The following LRP6 variants were observed in gnomAD, a reference collection of about 807,000 sequenced individuals.
LRP6 encodes the protein LDL receptor related protein 6.
A neutral mutation model predicts 184.1 loss-of-function variants in LRP6; 43 were observed. That is an observed-to-expected ratio of 0.23 (90% CI 0.18 to 0.30). The LOEUF is 0.30. Among genes scored for constraint, LRP6 ranks in the 10% least tolerant of loss-of-function variants. The probability of loss-of-function intolerance (pLI) is 1.00; values close to 1 mark genes in which losing one functional copy is unlikely to be tolerated. For synonymous variants in LRP6, 719 were observed against 684.9 expected (o/e 1.05, Z -0.78); for missense variants, 1,571 against 2,005.3 (o/e 0.78, Z 4.14).
At chr12:12,254,035 T>C (rs1013021619) in intron 1 of LRP6, among the ~76,000 whole-genome samples, 3 of 144,442 alleles carry the variant, frequency 2.1e-5, no homozygotes, top group African/African-American at 7.7e-5. Flanking sequence ...TCGCAGCTAC[T>C]AGGGAGGCTG....
intron 1 of LRP6, among the ~76,000 whole-genome samples, chr12:12,261,600 A>G (rs1280317461): frequency 6.6e-6 from 1 of 152,208 alleles, no homozygotes; most frequent in Non-Finnish European, 1.5e-5. Context: ...GTAATACTTG[A>G]CAAGTTTGGA....
chr12:12,231,192 A>AC (rs1458154849), intron 2 of LRP6, among the ~76,000 whole-genome samples: 1 of 149,530 alleles, frequency 6.7e-6, no homozygotes, highest in Non-Finnish European at 1.5e-5. Context: ...AAAAAAAAAA[A>AC]AAAAAAAAAA....
At chr12:12,220,601 T>G (rs931677555) in intron 2 of LRP6, among the ~76,000 whole-genome samples, 1 of 18,820 alleles carries the variant, frequency 5.3e-5, no homozygotes, top group African/African-American at 1.8e-4. Flanking sequence ...TTTTCTTAGT[T>G]TTTTTTTTTT....
chr12:12,262,155 G>C lies in LRP6; in HGVS notation c.55+4526C>G, dbSNP rs186477675. On this transcript the variant is annotated intron_variant, in intron 1 of 22. Coordinates refer to ENST00000261349, the MANE Select transcript of LRP6 (RefSeq NM_002336.3). The stretch of plus-strand genomic sequence containing the variant: ...GCACTTTGGGAGGTCAAGGCAGGTG[G>C]ATAACTTGAGGTCAGGAGTTCAAGA... 2.3e-3 allele frequency among the ~76,000 whole-genome samples: 348 copies of C among 152,230 alleles called. 1 individual carries two copies. Among genetic ancestry groups the C allele is most frequent in the African/African-American group, 8.1e-3 (337 of 41,550 alleles).
At position 12,266,921 on chromosome 12, in the gene LRP6, G is replaced by T. The variant is rs1470282702; in HGVS notation, c.-186C>A. The T allele has an allele frequency of 4.8e-6, 3 of 621,342 alleles. No individual in the cohort carries two copies. The highest frequency in any genetic ancestry group is 3.7e-5 in the South Asian group (2 of 53,432). 38.5% of individuals were successfully genotyped at this position (621,342 alleles called of 1,614,324 possible). On this transcript the variant is annotated 5_prime_UTR_variant, in exon 1 of 23. Coordinates refer to ENST00000261349, the MANE Select transcript of LRP6 (RefSeq NM_002336.3). ...CCGCCGCCGCCCTCTCTACCGCGCCGCTCGGCCCCGGGCTCGCGCGACGCC... is the reference window on the plus strand; with the variant it reads ...CCGCCGCCGCCCTCTCTACCGCGCCTCTCGGCCCCGGGCTCGCGCGACGCC...
At chr12:12,172,756 A>C (rs1317100373) in intron 7 of LRP6, among the ~76,000 whole-genome samples, 3 of 152,188 alleles carry the variant, frequency 2.0e-5, no homozygotes, top group Non-Finnish European at 4.4e-5. Flanking sequence ...ATTTTAAAAC[A>C]CAGAATATTT....
In LRP6 at chr12:12,130,843, T is replaced by C; in HGVS notation, c.4021A>G (p.Lys1341Glu). The C allele has an allele frequency of 1.2e-6, 2 of 1,613,858 alleles. No individual in the cohort carries two copies. Among genetic ancestry groups the C allele is most frequent in the South Asian group, 2.2e-5 (2 of 91,076 alleles). The change falls in exon 19 of 23, where the codon AAG becomes GAG. Residue 1341 changes from lysine (K) to glutamate (E), a missense_variant. By Grantham distance (56) the Lys-to-Glu change is moderately conservative. Coordinates refer to ENST00000261349, the MANE Select transcript of LRP6 (RefSeq NM_002336.3). The part of the protein sequence containing the change: ...FRCANGQCIG[K>E]HKKCDHNVDC... ...ACATTATGATCACACTTCTTGTGCT[T>C]TCCAATGCACTGACCATTGGCACAG...
chr12:12,265,235 C>G (rs1741846286), intron 1 of LRP6, among the ~76,000 whole-genome samples: 1 of 152,096 alleles, frequency 6.6e-6, no homozygotes, highest in Non-Finnish European at 1.5e-5. Context: ...CTTATGAAAC[C>G]TCTCCAGTAC....
At chr12:12,245,120 CAT>C (rs1482855015) in intron 1 of LRP6, among the ~76,000 whole-genome samples, 1 of 152,174 alleles carries the variant, frequency 6.6e-6, no homozygotes, top group Admixed American at 6.5e-5. Context: ...GAAACAAAAA[CAT>C]ATGTCAATAC....
At chr12:12,265,225 C>T (rs1252853930) in intron 1 of LRP6, among the ~76,000 whole-genome samples, 2 of 152,136 alleles carry the variant, frequency 1.3e-5, no homozygotes, top group African/African-American at 4.8e-5. Flanking sequence ...TAAGTATATA[C>T]TTATGAAACC....
At chr12:12,229,318 C>T (rs911108814) in intron 2 of LRP6, among the ~76,000 whole-genome samples, 3 of 145,850 alleles carry the variant, frequency 2.1e-5, no homozygotes, top group African/African-American at 5.1e-5. Flanking sequence ...TGCTGTGAGC[C>T]GAGATCATGC....
chr12:12,197,195 G>C (rs1210565986), intron 3 of LRP6, among the ~76,000 whole-genome samples: 1 of 152,160 alleles, frequency 6.6e-6, no homozygotes, highest in African/African-American at 2.4e-5. Context: ...TGGCCAGTGG[G>C]AATTCTACAG....
Position 12,159,907 on chromosome 12 carries a change from A to G in LRP6, c.2337T>C (p.Asp779=). Residue 779 remains aspartate (D), a synonymous_variant, in exon 11 of 23, where the codon GAT becomes GAC. Coordinates refer to ENST00000261349, the MANE Select transcript of LRP6 (RefSeq NM_002336.3). ...GAACTAAGGTAGTACGTTCACTTCC[A>G]TCCATTGCAGCTCTGTCTATCTTAG... ...GKPKIDRAAM[D]GSERTTLVPN... 6.2e-7 allele frequency: 1 copy of G among 1,614,060 alleles called. No homozygotes were observed. Among genetic ancestry groups the G allele is most frequent in the Non-Finnish European group, 8.5e-7 (1 of 1,179,974 alleles).
intron 1 of LRP6, among the ~76,000 whole-genome samples, chr12:12,250,126 T>G (rs1483532463): frequency 6.6e-6 from 1 of 152,100 alleles, no homozygotes; most frequent in Non-Finnish European, 1.5e-5. Context: ...CCCCTTTCCT[T>G]TTCTACTTCT....
intron 3 of LRP6, among the ~76,000 whole-genome samples, chr12:12,199,369 AAGT>A (rs1278275236): frequency 5.3e-5 from 8 of 152,284 alleles, no homozygotes; most frequent in African/African-American, 1.4e-4. Context: ...AGGAACTTTG[AAGT>A]GAAAAAAAAG....
intron 3 of LRP6, 51 bp downstream of exon 3, chr12:12,203,152 A>G (rs1464477753): frequency 2.3e-6 from 3 of 1,329,564 alleles, no homozygotes; most frequent in East Asian, 2.3e-5. Flanking sequence ...GTAATGTATC[A>G]AGGCTTCATC....
intron 1 of LRP6, 65 bp from the exon 2 acceptor site, chr12:12,244,720 C>T (rs56087862): frequency 5.5e-5 from 84 of 1,520,390 alleles, no homozygotes; most frequent in Non-Finnish European, 7.3e-5. Flanking sequence ...TTATAAACTG[C>T]GTTTCAAATC....
At chr12:12,145,562 T>C (rs998714152) in intron 15 of LRP6, among the ~76,000 whole-genome samples, 1 of 140,526 alleles carries the variant, frequency 7.1e-6, no homozygotes, top group African/African-American at 2.6e-5. Flanking sequence ...TCTCTCTCTT[T>C]GTTGAAGAAC....
chr12:12,167,743 T>C (rs1862926166), intron 7 of LRP6, among the ~76,000 whole-genome samples: 1 of 152,142 alleles, frequency 6.6e-6, no homozygotes. Flanking sequence ...CACTATCTGG[T>C]AAACACTGGT....
Sources: gnomAD v4.1 joint callset for allele counts (sites outside exome capture counted in the v4.1 genomes callset) on GRCh38, gnomAD v4.1.1 for gene constraint, MANE v1.5 for transcripts, NCBI Gene and HGNC (gene_info 2026-07-23, HGNC 2026-07-21) for gene names.